ADAM11: variants seen among roughly 807,000 people sequenced by gnomAD.
The protein encoded by ADAM11 is ADAM metallopeptidase domain 11.
A neutral mutation model predicts 119.1 loss-of-function variants in ADAM11; 49 were observed. The ratio of observed to expected loss-of-function variants is 0.41; its 90% CI spans 0.33 to 0.52. ADAM11 has a LOEUF of 0.52. Ranked by LOEUF, ADAM11 falls within the 20% of genes least tolerant of loss-of-function variation. The pLI is 0.20. For missense variants in ADAM11, 777 were observed against 1,047.5 expected (o/e 0.74, Z 3.56); for synonymous variants, 364 against 408.0 (o/e 0.89, Z 1.30).
In ADAM11 at chr17:44,777,368, A is replaced by G. The variant is rs925199585; in HGVS notation, c.1781+103A>G. ...TCCCAGGAGGAGCCTGTCAGTCCCAATGGGCGGGCACGTGGCAAATGAGGT... is the reference window on the plus strand; with the variant it reads ...TCCCAGGAGGAGCCTGTCAGTCCCAGTGGGCGGGCACGTGGCAAATGAGGT... On this transcript the variant is annotated intron_variant, in intron 21 of 26. Transcript: ENST00000200557. The surrounding 1 kb of genome is among the most constrained non-coding windows in gnomAD (Gnocchi z 5.1). 14 of 1,520,628 alleles carry G rather than the reference A, an allele frequency of 9.2e-6. No individual in the cohort carries two copies. The highest frequency in any genetic ancestry group is 1.7e-4 in the Middle Eastern group (1 of 5,794). The allele number at this position is 1,520,628 out of a possible 1,614,324, so 94.2% of individuals were successfully genotyped here.
intron 1 of ADAM11, 37 bp from the exon 2 acceptor site, chr17:44,759,685 T>G: frequency 7.6e-7 from 1 of 1,314,670 alleles, no homozygotes; most frequent in Non-Finnish European, 9.8e-7. Flanking sequence ...TGCCCCAGGG[T>G]GGGCAGCTGC....
At chr17:44,771,523 G>C (rs1376825266) in intron 4 of ADAM11, 61 bp from the exon 5 acceptor site, 1 of 1,544,454 alleles carries the variant, frequency 6.5e-7, no homozygotes, top group Non-Finnish European at 8.9e-7. Flanking sequence ...AAAAAGCCTT[G>C]AGGCCCATTG....
In ADAM11 at chr17:44,779,956, T is replaced by C; in HGVS notation, c.*202T>C. ...GGGTGGACCAGGCCTGGAGGGCACTTCCTCCACAGTCCCCCACCCACCTCC... is the reference window on the plus strand; with the variant it reads ...GGGTGGACCAGGCCTGGAGGGCACTCCCTCCACAGTCCCCCACCCACCTCC... On this transcript the variant is annotated 3_prime_UTR_variant, in exon 27 of 27. Transcript: ENST00000200557. 1 of 757,334 alleles carries C rather than the reference T, an allele frequency of 1.3e-6. No homozygotes were observed. The highest frequency in any genetic ancestry group is 2.3e-6 in the Non-Finnish European group (1 of 435,514). The allele number at this position is 757,334 out of a possible 1,614,324, so 46.9% of individuals were successfully genotyped here.
At chr17:44,769,471 C>T (rs1053269645) in intron 2 of ADAM11, among the ~76,000 whole-genome samples, 2 of 152,224 alleles carry the variant, frequency 1.3e-5, no homozygotes, top group African/African-American at 2.4e-5. Context: ...CACAGGTGCC[C>T]GGGCCCAGAG....
At position 44,776,840 on chromosome 17, in the gene ADAM11, G is replaced by A. The variant is rs1558085; in HGVS notation, c.1617+45G>A. Reference sequence around the variant, plus strand: ...AGCCTGGGATTCAGGGCAGTCTCTTGTCTCCACTCTGACCACTCAGCATCT... The same window carrying A: ...AGCCTGGGATTCAGGGCAGTCTCTTATCTCCACTCTGACCACTCAGCATCT... On this transcript the variant is annotated intron_variant, in intron 19 of 26. Coordinates refer to ENST00000200557, the MANE Select transcript of ADAM11 (RefSeq NM_002390.6). This position sits in a 1 kb window ranked among gnomAD's most constrained non-coding sequence, Gnocchi z 5.2. The A allele has an allele frequency of 0.45, 728,441 of 1,613,674 alleles. 170,160 individuals are homozygous for A. Among genetic ancestry groups the A allele is most frequent in the East Asian group, 0.75 (33,590 of 44,854 alleles).
Position 44,776,031 on chromosome 17 carries a change from G to C in ADAM11, c.1486-96G>C. On this transcript the variant is annotated intron_variant, in intron 17 of 26. Transcript: ENST00000200557. This position sits in a 1 kb window ranked among gnomAD's most constrained non-coding sequence, Gnocchi z 5.2. ...AAACGGGGCCCTGGGGAGCTGGAGG[G>C]CCCGGGGATGTGGGGGTCCAGAGAG... 1 of 1,413,574 alleles carries C rather than the reference G, an allele frequency of 7.1e-7. No homozygotes were observed. Among genetic ancestry groups the C allele is most frequent in the Non-Finnish European group, 9.9e-7 (1 of 1,010,976 alleles). 87.6% of individuals were successfully genotyped at this position (1,413,574 alleles called of 1,614,324 possible).
At chr17:44,767,899 CTGAG>C (rs1352543146) in intron 2 of ADAM11, among the ~76,000 whole-genome samples, 1 of 152,200 alleles carries the variant, frequency 6.6e-6, no homozygotes, top group Non-Finnish European at 1.5e-5. Context: ...CGCAGACCTC[CTGAG>C]TGAGGGAGAT....
At chr17:44,763,141 A>G (rs2049408918) in intron 2 of ADAM11, among the ~76,000 whole-genome samples, 1 of 152,202 alleles carries the variant, frequency 6.6e-6, no homozygotes, top group Non-Finnish European at 1.5e-5. Flanking sequence ...GTCTCACACA[A>G]TACAACAACA....
intron 2 of ADAM11, among the ~76,000 whole-genome samples, chr17:44,761,659 C>T (rs1453593035): frequency 6.6e-6 from 1 of 152,162 alleles, no homozygotes; most frequent in South Asian, 2.1e-4. Context: ...TCCTAGGGCC[C>T]TCATGGCGAC....
chr17:44,759,473 C>T (rs1191680302), intron 1 of ADAM11: 2 of 1,250,596 alleles, frequency 1.6e-6, no homozygotes, highest in Non-Finnish European at 2.0e-6. Context: ...TGCCGCCGAC[C>T]GGCCAGCTCT....
At chr17:44,771,690 G>T (rs767968577) in intron 5 of ADAM11, 21 bp downstream of exon 5, 15 of 1,612,318 alleles carry the variant, frequency 9.3e-6, no homozygotes, top group Middle Eastern at 3.3e-4. Context: ...GGAGGGGCCG[G>T]GCAGCTGGGA....
intron 2 of ADAM11, among the ~76,000 whole-genome samples, chr17:44,767,994 A>C (rs554821162): frequency 6.6e-6 from 1 of 152,336 alleles, no homozygotes; most frequent in East Asian, 1.9e-4. Context: ...CTGGCCTCGC[A>C]TCTGGGCTCA....
intron 2 of ADAM11, among the ~76,000 whole-genome samples, chr17:44,763,052 C>T (rs2049408031): frequency 6.6e-6 from 1 of 152,270 alleles, no homozygotes; most frequent in South Asian, 2.1e-4. Flanking sequence ...TGCAGGATCG[C>T]TTGAGTCCAA....
Position 44,775,743 on chromosome 17 carries a change from G to C in ADAM11, c.1485+67G>C, listed in dbSNP as rs2049592394. 6.8e-7 allele frequency: 1 copy of C among 1,475,148 alleles called. No homozygotes were observed. The highest frequency in any genetic ancestry group is 9.1e-7 in the Non-Finnish European group (1 of 1,096,792). 91.4% of individuals were successfully genotyped at this position (1,475,148 alleles called of 1,614,324 possible). On this transcript the variant is annotated intron_variant, in intron 17 of 26. Transcript: ENST00000200557. The surrounding 1 kb of genome is among the most constrained non-coding windows in gnomAD (Gnocchi z 7.5). ...GAGCGATTGGAGGCCTTCATATAAG[G>C]GGTGGGAGCTAGGGAGGGAAGCGGA...
chr17:44,777,042 C>A lies in ADAM11; in HGVS notation c.1681+80C>A. On this transcript the variant is annotated intron_variant, in intron 20 of 26. Transcript: ENST00000200557. The surrounding 1 kb of genome is among the most constrained non-coding windows in gnomAD (Gnocchi z 5.1). ...CTGGGGAGAGTGGGTTCCAGCTGAA[C>A]AGGCCCCCAAGTGTGTAGCTCCCCA... 3 of 1,561,386 alleles carry A rather than the reference C, an allele frequency of 1.9e-6. No homozygotes were observed. The highest frequency in any genetic ancestry group is 2.6e-6 in the Non-Finnish European group (3 of 1,146,472).
chr17:44,767,152 A>G (rs1189574564), intron 2 of ADAM11, among the ~76,000 whole-genome samples: 15 of 151,994 alleles, frequency 9.9e-5, no homozygotes, highest in Non-Finnish European at 2.2e-4. Flanking sequence ...TCAGGAGTTC[A>G]AGACAAGCCT....
At position 44,771,576 on chromosome 17, in the gene ADAM11, T is replaced by A. The variant is rs781676844; in HGVS notation, c.382-8T>A. On this transcript the variant is annotated splice_polypyrimidine_tract_variant and splice_region_variant and intron_variant, in intron 4 of 26. Coordinates refer to ENST00000200557, the MANE Select transcript of ADAM11 (RefSeq NM_002390.6). ...GCCAGCGTTCTGCTCACTGTTCTGC[T>A]CCTTCAGGGGGCTGGAGACCACTGC... is the stretch of plus-strand genomic sequence containing the variant. 6.2e-6 allele frequency: 10 copies of A among 1,610,736 alleles called. No individual in the cohort carries two copies. The South Asian group carries it at 8.8e-5, about 14-fold the overall frequency.
rs2049538818 is a variant in ADAM11, at chr17:44,772,484, G to A, written c.678+18G>A. ...AAAGGCAGGTACGGGGGCCCGCACAGACCTCGGGCTGCAGAGACCTCGGGC... is the reference window on the plus strand; with the variant it reads ...AAAGGCAGGTACGGGGGCCCGCACAAACCTCGGGCTGCAGAGACCTCGGGC... On this transcript the variant is annotated intron_variant, in intron 8 of 26. Transcript: ENST00000200557. This position sits in a 1 kb window ranked among gnomAD's most constrained non-coding sequence, Gnocchi z 4.5. 10 of 1,558,068 alleles carry A rather than the reference G, an allele frequency of 6.4e-6. No homozygotes were observed. The highest frequency in any genetic ancestry group is 8.7e-6 in the Non-Finnish European group (10 of 1,151,802).
Position 44,759,074 on chromosome 17 carries a change from A to G in ADAM11, c.-126A>G. The G allele has an allele frequency of 6.3e-6, 1 of 159,014 alleles. No individual in the cohort carries two copies. The highest frequency in any genetic ancestry group is 7.7e-5 in the Admixed American group (1 of 13,004). The allele number at this position is 159,014 out of a possible 1,614,324, so 9.9% of individuals were successfully genotyped here. A position where few individuals can be genotyped will look rare whatever the true frequency, so the allele number is the denominator to read the frequency against. ...TCCCTGCCGCCCCCACCTCTCCGCGACCCCCGCCCGGCCCCGCGCCCCCGC... is the reference window on the plus strand; with the variant it reads ...TCCCTGCCGCCCCCACCTCTCCGCGGCCCCCGCCCGGCCCCGCGCCCCCGC... On this transcript the variant is annotated 5_prime_UTR_variant, in exon 1 of 27. Coordinates refer to ENST00000200557, the MANE Select transcript of ADAM11 (RefSeq NM_002390.6).
Sources: allele counts gnomAD v4.1 joint callset (sites outside exome capture counted in the v4.1 genomes callset), GRCh38; gene constraint gnomAD v4.1.1; non-coding constraint Gnocchi (gnomAD v3.1); transcripts MANE v1.5; gene names NCBI Gene and HGNC (gene_info 2026-07-23, HGNC 2026-07-21).